Variants in LRRCC1 observed in about 807,000 individuals in gnomAD.
LRRCC1 encodes the protein leucine rich repeat and coiled-coil centrosomal protein 1.
In LRRCC1, 115 loss-of-function variants were observed where a neutral mutation model predicts 126.0. The observed-to-expected ratio is 0.91, with a 90% CI of 0.78 to 1.07. The LOEUF (loss-of-function observed/expected upper bound fraction) is 1.07, where lower values mean the gene tolerates loss of function less well. Ranked by LOEUF, LRRCC1 falls within the 50% of genes least tolerant of loss-of-function variation. The pLI, the probability that LRRCC1 is intolerant of heterozygous loss-of-function variation, is 0.00. For missense variants in LRRCC1, 1,172 were observed against 1,175.7 expected (o/e 1.00, Z 0.05); for synonymous variants, 400 against 393.4 (o/e 1.02, Z -0.20).
chr8:85,110,941 C>A (rs1407752647), intron 3 of LRRCC1, among the ~76,000 whole-genome samples: 1 of 152,080 alleles, frequency 6.6e-6, no homozygotes. Context: ...ACTCTTCTCC[C>A]CCACTAAAAG....
chr8:85,114,991 TG>T, intron 4 of LRRCC1, 108 bp from the exon 5 acceptor site: 1 of 760,880 alleles, frequency 1.3e-6, no homozygotes, highest in Non-Finnish European at 2.0e-6. Flanking sequence ...ATTTGCTTTC[TG>T]GAACTATTCC....
intron 6 of LRRCC1, 144 bp from the exon 7 acceptor site, chr8:85,123,269 C>A: frequency 1.8e-6 from 1 of 563,982 alleles, no homozygotes. Context: ...ATACCAGAAG[C>A]TGAATTCCCT....
At chr8:85,113,859 A>G (rs1245967879) in intron 4 of LRRCC1, among the ~76,000 whole-genome samples, 1 of 152,130 alleles carries the variant, frequency 6.6e-6, no homozygotes, top group East Asian at 1.9e-4. Context: ...CCAGACTACC[A>G]TTTCTAGAAC....
chr8:85,116,183 C>A (rs929699049), intron 6 of LRRCC1, among the ~76,000 whole-genome samples: 1 of 152,158 alleles, frequency 6.6e-6, no homozygotes, highest in African/African-American at 2.4e-5. Flanking sequence ...GTCTCCAACC[C>A]TCACTCCAGC....
At chr8:85,140,829 G>A (rs1325555659) in intron 17 of LRRCC1, among the ~76,000 whole-genome samples, 2 of 152,128 alleles carry the variant, frequency 1.3e-5, no homozygotes, top group South Asian at 2.1e-4. Flanking sequence ...TTGGGAGGCC[G>A]AGGCGGGCAG....
chr8:85,141,606 G>A, intron 18 of LRRCC1, 89 bp downstream of exon 18: 2 of 1,026,154 alleles, frequency 1.9e-6, no homozygotes, highest in Non-Finnish European at 2.8e-6. Flanking sequence ...AAAGAGAAAA[G>A]GCAACATGAT....
intron 3 of LRRCC1, among the ~76,000 whole-genome samples, chr8:85,110,971 T>C (rs1808665534): frequency 6.6e-6 from 1 of 152,226 alleles, no homozygotes; most frequent in Non-Finnish European, 1.5e-5. Context: ...CTATGCCAGT[T>C]GCTTAGTATA....
chr8:85,115,896 T>C (rs1337847130), intron 6 of LRRCC1, among the ~76,000 whole-genome samples: 1 of 152,198 alleles, frequency 6.6e-6, no homozygotes, highest in East Asian at 1.9e-4. Flanking sequence ...AGGGAGAAAC[T>C]CTTTGGACTC....
intron 6 of LRRCC1, among the ~76,000 whole-genome samples, chr8:85,121,126 C>T (rs1332321544): frequency 6.6e-6 from 1 of 152,168 alleles, no homozygotes; most frequent in Non-Finnish European, 1.5e-5. Context: ...TTGTAGCCAT[C>T]CTAGTGGGTG....
At chr8:85,126,590 A>T in intron 8 of LRRCC1, 99 bp from the exon 9 acceptor site, 1 of 949,740 alleles carries the variant, frequency 1.1e-6, no homozygotes. Flanking sequence ...AGCTCTTTGA[A>T]GTAGGTACTA....
chr8:85,138,041 C>A lies in LRRCC1; in HGVS notation c.2500C>A (p.Gln834Lys). The A allele has an allele frequency of 6.5e-7, 1 of 1,527,612 alleles. No individual in the cohort carries two copies. The highest frequency in any genetic ancestry group is 8.8e-7 in the Non-Finnish European group (1 of 1,135,362). The allele number at this position is 1,527,612 out of a possible 1,614,324, so 94.6% of individuals were successfully genotyped here. A position where few individuals can be genotyped will look rare whatever the true frequency, so the allele number is the denominator to read the frequency against. The stretch of plus-strand genomic sequence containing the variant: ...GCCAATTTTTTTCTTAAAGTGTTTA[C>A]AAGAAAAAGATGAACACATCAAAAG... The part of the protein sequence containing the change: ...ETIRKLKDCL[Q>K]EKDEHIKRLQ... The change falls in exon 16 of 19, where the codon CAA becomes AAA. Residue 834 changes from glutamine (Q) to lysine (K), a missense_variant. Gln to Lys is a moderately conservative substitution (Grantham distance 53, BLOSUM62 1). Coordinates refer to ENST00000360375, the MANE Select transcript of LRRCC1 (RefSeq NM_033402.5).
intron 4 of LRRCC1, among the ~76,000 whole-genome samples, 178 bp from the exon 5 acceptor site, chr8:85,114,922 T>C (rs2135927558): frequency 6.6e-6 from 1 of 152,282 alleles, no homozygotes; most frequent in Middle Eastern, 3.4e-3. Context: ...TTTGTTTCTT[T>C]TGTATGTAAG....
chr8:85,141,476 G>A lies in LRRCC1; in HGVS notation c.2935G>A (p.Ala979Thr). ...EAHQAEIAQL[A>T]NEKQKCIDSA... ...TCATCAAGCTGAAATAGCACAGCTGGCCAATGAAAAGCAGAAGTGTATTGA... is the reference window on the plus strand; with the variant it reads ...TCATCAAGCTGAAATAGCACAGCTGACCAATGAAAAGCAGAAGTGTATTGA... The change falls in exon 18 of 19, where the codon GCC becomes ACC. Residue 979 changes from alanine to threonine, a missense_variant. Ala to Thr is a moderately conservative substitution (Grantham distance 58). Coordinates refer to ENST00000360375, the MANE Select transcript of LRRCC1 (RefSeq NM_033402.5). 6.2e-7 allele frequency: 1 copy of A among 1,612,962 alleles called. No individual in the cohort carries two copies. Among genetic ancestry groups the A allele is most frequent in the Non-Finnish European group, 8.5e-7 (1 of 1,179,408 alleles).
At chr8:85,135,642 T>C in intron 13 of LRRCC1, 147 bp from the exon 14 acceptor site, 1 of 452,574 alleles carries the variant, frequency 2.2e-6, no homozygotes, top group Non-Finnish European at 3.6e-6. Flanking sequence ...ACATTTGTCT[T>C]TAGTAAAACT....
chr8:85,107,351 G>A lies in LRRCC1; in HGVS notation c.56G>A (p.Gly19Asp), dbSNP rs567279699. 1.9e-5 allele frequency: 31 copies of A among 1,613,868 alleles called. 2 individuals carry two copies. The East Asian group carries it at 6.2e-4, about 32-fold the overall frequency. ...GAGGCGGAAGTGGAAAACGAAGACG[G>A]CGACAGCAGCTGCGGGGATGTATGC... is the stretch of plus-strand genomic sequence containing the variant. ...AAEAEVENED[G>D]DSSCGDVCFM... The change falls in exon 1 of 19, where the codon GGC (glycine) becomes GAC (aspartate). Residue 19 changes from glycine to aspartate, a missense_variant. Transcript: ENST00000360375.
At chr8:85,119,061 T>A (rs1316359292) in intron 6 of LRRCC1, among the ~76,000 whole-genome samples, 9 of 152,128 alleles carry the variant, frequency 5.9e-5, no homozygotes, top group Non-Finnish European at 1.3e-4. Context: ...TCAGTACCAT[T>A]TGTAGAAAAG....
chr8:85,110,217 G>A, intron 3 of LRRCC1, 37 bp downstream of exon 3: 1 of 883,584 alleles, frequency 1.1e-6, no homozygotes, highest in Non-Finnish European at 1.7e-6. Flanking sequence ...TATGCTAAAT[G>A]TTGTGCCACA....
chr8:85,118,802 T>C (rs1325958394), intron 6 of LRRCC1, among the ~76,000 whole-genome samples: 1 of 152,144 alleles, frequency 6.6e-6, no homozygotes, highest in Non-Finnish European at 1.5e-5. Context: ...ATTTTCTCCC[T>C]GTTTGTGGAT....
At position 85,129,338 on chromosome 8, in the gene LRRCC1, G is replaced by GA. The variant is rs764658669; in HGVS notation, c.1591dup (p.Met531AsnfsTer28). The GA allele has an allele frequency of 1.9e-6, 3 of 1,611,794 alleles. No individual in the cohort carries two copies. Among genetic ancestry groups the GA allele is most frequent in the East Asian group, 2.2e-5 (1 of 44,848 alleles). ...CTTAAGAACCCTCGAAAAAACATTAGAAAAAATGGAGAGACAAAAAAGGCA... is the reference window on the plus strand; with the variant it reads ...CTTAAGAACCCTCGAAAAAACATTAGAAAAAAATGGAGAGACAAAAAAGGCA... On this transcript the variant is annotated frameshift_variant, in exon 10 of 19. Transcript: ENST00000360375. LOFTEE classifies it high-confidence loss of function.
Sources: gnomAD v4.1 joint callset for allele counts (sites outside exome capture counted in the v4.1 genomes callset) on GRCh38, gnomAD v4.1.1 for gene constraint, MANE v1.5 for transcripts, NCBI Gene and HGNC (gene_info 2026-07-23, HGNC 2026-07-21) for gene names.